Variants in RNF24 observed in about 807,000 individuals in gnomAD.
The protein encoded by RNF24 is ring finger protein 24.
Under a neutral mutation model 20.0 loss-of-function variants are expected in RNF24, and 14 were observed. The observed-to-expected ratio is 0.70, with a 90% CI of 0.46 to 1.10. The LOEUF is 1.10. Ranked by LOEUF, RNF24 falls within the 50% of genes least tolerant of loss-of-function variation. The probability of loss-of-function intolerance (pLI) is 0.00; values close to 1 mark genes in which losing one functional copy is unlikely to be tolerated. For synonymous variants in RNF24, 45 were observed against 61.1 expected, an observed-to-expected ratio of 0.74 and a Z score of 1.23; for missense variants, 124 against 177.6, an observed-to-expected ratio of 0.70 and a Z score of 1.71.
intron 3 of RNF24, among the ~76,000 whole-genome samples, chr20:3,947,840 A>G (rs2091037116): frequency 6.6e-6 from 1 of 152,224 alleles, no homozygotes; most frequent in Non-Finnish European, 1.5e-5. Context: ...TGAGGTCCAG[A>G]GTTCGAGACC....
Position 3,933,076 on chromosome 20 carries a change from T to C in RNF24, c.*987A>G. On this transcript the variant is annotated 3_prime_UTR_variant, in exon 6 of 6. Transcript: ENST00000358395. The stretch of plus-strand genomic sequence containing the variant: ...GTGAATGACAGGCTTTTTTTTTTTT[T>C]TTTTTTTTTTTCTGAAGTAGAAAGA... The C allele has an allele frequency of 2.5e-6, 1 of 395,300 alleles. No individual in the cohort carries two copies. Among genetic ancestry groups the C allele is most frequent in the East Asian group, 3.6e-5 (1 of 27,936 alleles). 24.5% of individuals were successfully genotyped at this position (395,300 alleles called of 1,614,324 possible).
At chr20:3,936,527 T>C (rs1218801276) in intron 4 of RNF24, among the ~76,000 whole-genome samples, 1 of 152,204 alleles carries the variant, frequency 6.6e-6, no homozygotes, top group Non-Finnish European at 1.5e-5. Context: ...TTTTGTCCTC[T>C]GAAGGGAGGC....
chr20:3,945,474 G>T (rs1275945255), intron 3 of RNF24, among the ~76,000 whole-genome samples: 1 of 152,094 alleles, frequency 6.6e-6, no homozygotes, highest in Non-Finnish European at 1.5e-5. Flanking sequence ...CAGCACTTTG[G>T]GATGCCAAGG....
At chr20:3,994,878 G>A (rs1600706181) in intron 1 of RNF24, among the ~76,000 whole-genome samples, 2 of 152,308 alleles carry the variant, frequency 1.3e-5, no homozygotes, top group Non-Finnish European at 2.9e-5. Context: ...CGTACTAAAA[G>A]TGAAATAAAG....
At chr20:3,971,711 T>C (rs920692779) in intron 1 of RNF24, among the ~76,000 whole-genome samples, 2 of 152,068 alleles carry the variant, frequency 1.3e-5, no homozygotes, top group Non-Finnish European at 2.9e-5. Flanking sequence ...TACAAAGACA[T>C]ACACTCAAAA....
intron 1 of RNF24, among the ~76,000 whole-genome samples, chr20:3,993,861 A>C (rs969898235): frequency 6.6e-6 from 1 of 152,208 alleles, no homozygotes; most frequent in African/African-American, 2.4e-5. Flanking sequence ...TTTTCGATTT[A>C]TAGAAAAGTT....
At chr20:3,958,380 T>C (rs1280096213) in intron 2 of RNF24, among the ~76,000 whole-genome samples, 1 of 152,174 alleles carries the variant, frequency 6.6e-6, no homozygotes, top group African/African-American at 2.4e-5. Context: ...ACCTAATCTT[T>C]TCCAGCCAAG....
rs148040032 is a variant in RNF24 at position 3,981,049 on chromosome 20, G to A, written c.-7-17025C>T. Among the ~76,000 whole-genome samples the A allele has an allele frequency of 1.2e-3, 175 of 151,942 alleles. 2 individuals carry two copies. Among genetic ancestry groups the A allele is most frequent in the African/African-American group, 3.8e-3 (158 of 41,424 alleles). ...GCCTGGCCCTATTGTCAACAGAATC[G>A]CCATTTGTCACCATTTCTACCACTC... On this transcript the variant is annotated intron_variant, in intron 1 of 5. Coordinates refer to ENST00000358395, the MANE Select transcript of RNF24 (RefSeq NM_001134337.3).
At chr20:3,942,841 T>C (rs1432124968) in intron 4 of RNF24, among the ~76,000 whole-genome samples, 5 of 148,806 alleles carry the variant, frequency 3.4e-5, no homozygotes, top group Non-Finnish European at 5.9e-5. Flanking sequence ...TTTGAGATAG[T>C]GTTTCATTCT....
intron 1 of RNF24, among the ~76,000 whole-genome samples, chr20:4,007,163 T>A (rs1981936810): frequency 6.6e-6 from 1 of 152,266 alleles, no homozygotes; most frequent in African/African-American, 2.4e-5. Context: ...GTATATTTTG[T>A]ATTTTAAAAT....
rs2090871411 is a variant in RNF24, at chr20:3,934,900, T to A, written c.308+94A>T. 2 of 953,034 alleles carry A rather than the reference T, an allele frequency of 2.1e-6. No individual in the cohort carries two copies. Among genetic ancestry groups the A allele is most frequent in the Non-Finnish European group, 3.4e-6 (2 of 592,702 alleles). 59.0% of individuals were successfully genotyped at this position (953,034 alleles called of 1,614,324 possible). ...GCATTACAGACCAATCATGAAGCCA[T>A]CAAGCTTGTCTGGCACTGCCCTAAA... is the stretch of plus-strand genomic sequence containing the variant. On this transcript the variant is annotated intron_variant, in intron 5 of 5. Coordinates refer to ENST00000358395, the MANE Select transcript of RNF24 (RefSeq NM_001134337.3). This position sits in a 1 kb window ranked among gnomAD's most constrained non-coding sequence, Gnocchi z 4.0.
chr20:3,991,240 T>C (rs1980408155), intron 1 of RNF24, among the ~76,000 whole-genome samples: 2 of 145,240 alleles, frequency 1.4e-5, no homozygotes, highest in South Asian at 4.2e-4. Context: ...ATTTATTTTT[T>C]AAACAACTTT....
In RNF24 at chr20:3,927,493, G is replaced by A. The variant is rs550096047; in HGVS notation, c.*6570C>T. The A allele has an allele frequency of 5.6e-4, 86 of 152,282 alleles. No individual in the cohort carries two copies. The highest frequency in any genetic ancestry group is 2.0e-3 in the African/African-American group (82 of 41,568). 9.4% of individuals were successfully genotyped at this position (152,282 alleles called of 1,614,324 possible). On this transcript the variant is annotated 3_prime_UTR_variant, in exon 6 of 6. Coordinates refer to ENST00000358395, the MANE Select transcript of RNF24 (RefSeq NM_001134337.3). ...TGCAGAATTTTTAGTGTACAAAGAC[G>A]TCTATGAAACCTGAGGTTCAGCATT...
In RNF24 at chr20:3,932,984, A is replaced by C. The variant is rs2090842491; in HGVS notation, c.*1079T>G. 1 of 398,184 alleles carries C rather than the reference A, an allele frequency of 2.5e-6. No homozygotes were observed. The highest frequency in any genetic ancestry group is 4.4e-6 in the Non-Finnish European group (1 of 226,052). 24.7% of individuals were successfully genotyped at this position (398,184 alleles called of 1,614,324 possible). A position where few individuals can be genotyped will look rare whatever the true frequency, so the allele number is the denominator to read the frequency against. Reference sequence around the variant, plus strand: ...CTGCAGGAGCTTCCTGAAACTATCTACAATTCCAAGTGGATCACCAGCTTC... The same window carrying C: ...CTGCAGGAGCTTCCTGAAACTATCTCCAATTCCAAGTGGATCACCAGCTTC... On this transcript the variant is annotated 3_prime_UTR_variant, in exon 6 of 6. Transcript: ENST00000358395.
Position 3,932,877 on chromosome 20 carries a change from A to C in RNF24, c.*1186T>G, listed in dbSNP as rs901609546. On this transcript the variant is annotated 3_prime_UTR_variant, in exon 6 of 6. Coordinates refer to ENST00000358395, the MANE Select transcript of RNF24 (RefSeq NM_001134337.3). ...TGGACAGAAAGAGCCAAAGAGCAGCATGCGTTTCTCTCCTATAAAGACACT... is the reference window on the plus strand; with the variant it reads ...TGGACAGAAAGAGCCAAAGAGCAGCCTGCGTTTCTCTCCTATAAAGACACT... 2.5e-6 allele frequency: 1 copy of C among 398,572 alleles called. No homozygotes were observed. Among genetic ancestry groups the C allele is most frequent in the Non-Finnish European group, 4.4e-6 (1 of 226,052 alleles). The allele number at this position is 398,572 out of a possible 1,614,324, so 24.7% of individuals were successfully genotyped here. A position where few individuals can be genotyped will look rare whatever the true frequency, so the allele number is the denominator to read the frequency against.
At chr20:3,938,156 G>A (rs2090914304) in intron 4 of RNF24, among the ~76,000 whole-genome samples, 1 of 152,178 alleles carries the variant, frequency 6.6e-6, no homozygotes, top group South Asian at 2.1e-4. Context: ...CATAATGGGT[G>A]TAAATGGGTC....
Position 3,928,702 on chromosome 20 carries a change from C to G in RNF24, c.*5361G>C, listed in dbSNP as rs1490890283. The G allele has an allele frequency of 4.2e-5, 5 of 119,494 alleles. No individual in the cohort carries two copies. Among genetic ancestry groups the G allele is most frequent in the African/African-American group, 1.6e-4 (5 of 32,150 alleles). The allele number at this position is 119,494 out of a possible 1,614,324, so 7.4% of individuals were successfully genotyped here. On this transcript the variant is annotated 3_prime_UTR_variant, in exon 6 of 6. Transcript: ENST00000358395. ...GGCGGAGCTTGCAGTGGGCCAAGAT[C>G]GTGCCACTGCATTCCAGCCTGGGTG...
rs1265821326 is a variant in RNF24 at position 3,931,840 on chromosome 20, G to A, written c.*2223C>T. ...TCTCCTCTCATGGCTGGAACTATCT[G>A]GGCTTTGCGCCCTGGTCCAGTGCTA... On this transcript the variant is annotated 3_prime_UTR_variant, in exon 6 of 6. Transcript: ENST00000358395. The A allele has an allele frequency of 6.6e-6, 1 of 152,226 alleles. No homozygotes were observed. The highest frequency in any genetic ancestry group is 2.4e-5 in the African/African-American group (1 of 41,450). 9.4% of individuals were successfully genotyped at this position (152,226 alleles called of 1,614,324 possible).
chr20:4,007,147 T>C lies in RNF24; in HGVS notation c.-8+8290A>G, dbSNP rs6052231. Among the ~76,000 whole-genome samples, 292 of 152,368 alleles carry C rather than the reference T, an allele frequency of 1.9e-3. 2 individuals are homozygous for C. Among genetic ancestry groups the C allele is most frequent in the African/African-American group, 6.6e-3 (275 of 41,590 alleles). On this transcript the variant is annotated intron_variant, in intron 1 of 5. Coordinates refer to ENST00000358395, the MANE Select transcript of RNF24 (RefSeq NM_001134337.3). ...TACAACTAAAAACTGCTCTCAAGTT[T>C]AGCTTGTATATTTTGTATTTTAAAA... is the stretch of plus-strand genomic sequence containing the variant.
Sources: gnomAD v4.1 joint callset for allele counts (sites outside exome capture counted in the v4.1 genomes callset) on GRCh38, gnomAD v4.1.1 for gene constraint, Gnocchi (gnomAD v3.1) non-coding constraint, MANE v1.5 for transcripts, NCBI Gene and HGNC (gene_info 2026-07-23, HGNC 2026-07-21) for gene names.